KBTBD12: variants seen among roughly 807,000 people sequenced by gnomAD.
The protein encoded by KBTBD12 is kelch repeat and BTB domain-containing protein 12.
A neutral mutation model predicts 58.7 loss-of-function variants in KBTBD12; 53 were observed. The observed-to-expected ratio is 0.90, with a 90% CI of 0.72 to 1.14. The LOEUF is 1.14. Ranked by LOEUF, KBTBD12 falls within the 50% of genes most tolerant of loss-of-function variation. KBTBD12 has a pLI of 0.00. For synonymous variants in KBTBD12, 236 were observed against 259.8 expected, an observed-to-expected ratio of 0.91 and a Z score of 0.88; for missense variants, 704 against 751.3, an observed-to-expected ratio of 0.94 and a Z score of 0.74.
At chr3:127,964,857 T>C (rs945851246) in intron 5 of KBTBD12, among the ~76,000 whole-genome samples, 6 of 152,222 alleles carry the variant, frequency 3.9e-5, no homozygotes, top group South Asian at 2.1e-4. Flanking sequence ...TTTTAATCTC[T>C]TTTACATTAA....
chr3:127,960,770 C>A (rs779030417), intron 4 of KBTBD12, among the ~76,000 whole-genome samples: 9 of 152,206 alleles, frequency 5.9e-5, no homozygotes, highest in Admixed American at 3.3e-4. Flanking sequence ...AAGCTCATGT[C>A]ACTCCTTGAG....
intron 3 of KBTBD12, 115 bp downstream of exon 3, chr3:127,928,149 T>C: frequency 1.1e-6 from 1 of 884,516 alleles, no homozygotes; most frequent in Non-Finnish European, 1.8e-6. Context: ...TTTGGTAAAA[T>C]GCTTTCTGTT....
At chr3:127,922,175 A>C (rs1257267199) in intron 1 of KBTBD12, among the ~76,000 whole-genome samples, 1 of 152,130 alleles carries the variant, frequency 6.6e-6, no homozygotes, top group East Asian at 1.9e-4. Flanking sequence ...AAAAATTTAG[A>C]CTAATGCTTT....
chr3:127,950,252 A>G (rs1940175396), intron 4 of KBTBD12, among the ~76,000 whole-genome samples: 1 of 152,234 alleles, frequency 6.6e-6, no homozygotes, highest in Non-Finnish European at 1.5e-5. Flanking sequence ...AAGATATAGC[A>G]TAGAAATTCA....
At chr3:127,922,087 C>T (rs80305131) in intron 1 of KBTBD12, among the ~76,000 whole-genome samples, 76 of 152,122 alleles carry the variant, frequency 5.0e-4, no homozygotes, top group African/African-American at 1.7e-3. Flanking sequence ...TTAAAACAAA[C>T]GCTAATTTAA....
At position 127,984,392 on chromosome 3, in the gene KBTBD12, G is replaced by T; in HGVS notation, c.*114G>T. ...GTGCACTGCATGCGTAGTGGCCTGT[G>T]TGTGAAGAAGCAGTGTGTGCTGGGC... is the stretch of plus-strand genomic sequence containing the variant. On this transcript the variant is annotated 3_prime_UTR_variant, in exon 6 of 6. Coordinates refer to ENST00000405109, the MANE Select transcript of KBTBD12 (RefSeq NM_207335.4). 1 of 990,052 alleles carries T rather than the reference G, an allele frequency of 1.0e-6. No individual in the cohort carries two copies. The highest frequency in any genetic ancestry group is 1.6e-5 in the South Asian group (1 of 60,924). The allele number at this position is 990,052 out of a possible 1,614,324, so 61.3% of individuals were successfully genotyped here. A position where few individuals can be genotyped will look rare whatever the true frequency, so the allele number is the denominator to read the frequency against.
chr3:127,939,615 A>G (rs1939907582), intron 4 of KBTBD12, among the ~76,000 whole-genome samples: 1 of 152,198 alleles, frequency 6.6e-6, no homozygotes, highest in Non-Finnish European at 1.5e-5. Context: ...AAAGAGATAT[A>G]GTAAAAATCA....
chr3:127,976,568 C>T (rs1940786752), intron 5 of KBTBD12, among the ~76,000 whole-genome samples: 2 of 152,340 alleles, frequency 1.3e-5, no homozygotes, highest in South Asian at 4.1e-4. Context: ...AACTGTGTCT[C>T]TCTGCCCCTT....
At chr3:127,916,163 C>A (rs1262200966) in intron 1 of KBTBD12, among the ~76,000 whole-genome samples, 2 of 152,042 alleles carry the variant, frequency 1.3e-5, no homozygotes, top group African/African-American at 4.8e-5. Flanking sequence ...GTGAACTCGG[C>A]AAAGAAAAGA....
Position 127,963,351 on chromosome 3 carries a change from G to C in KBTBD12, c.1655G>C (p.Gly552Ala). The change falls in exon 5 of 6, where the codon GGG (glycine) becomes GCG (alanine). Residue 552 changes from glycine to alanine, a missense_variant. Transcript: ENST00000405109. ...TCCACCAATGCAGGGGCAGTGGATG[G>C]GAAACTCTATGTCTGCGGGGGATTC... ...TNSTNAGAVD[G>A]KLYVCGGFHG... 1 of 1,612,092 alleles carries C rather than the reference G, an allele frequency of 6.2e-7. No homozygotes were observed. The highest frequency in any genetic ancestry group is 8.5e-7 in the Non-Finnish European group (1 of 1,179,196).
chr3:127,927,174 T>A (rs1239264848), intron 2 of KBTBD12, among the ~76,000 whole-genome samples: 1 of 152,140 alleles, frequency 6.6e-6, no homozygotes, highest in Non-Finnish European at 1.5e-5. Flanking sequence ...TTAAAATAGA[T>A]GTTAAGTGCC....
intron 5 of KBTBD12, among the ~76,000 whole-genome samples, chr3:127,982,112 T>C (rs1940884464): frequency 6.6e-6 from 1 of 152,190 alleles, no homozygotes; most frequent in African/African-American, 2.4e-5. Flanking sequence ...CATTAAAGGT[T>C]CCTTTCCTCT....
intron 4 of KBTBD12, among the ~76,000 whole-genome samples, chr3:127,936,544 G>A (rs555484424): frequency 2.7e-4 from 41 of 152,270 alleles, no homozygotes; most frequent in African/African-American, 9.4e-4. Flanking sequence ...CGGCTGCATA[G>A]TTTTGTAAAT....
intron 4 of KBTBD12, among the ~76,000 whole-genome samples, chr3:127,951,392 A>G (rs1940200072): frequency 6.6e-6 from 1 of 152,036 alleles, no homozygotes; most frequent in Non-Finnish European, 1.5e-5. Context: ...TGTTCCTCAG[A>G]AGTGTGGATT....
At position 127,985,631 on chromosome 3, in the gene KBTBD12, C is replaced by T. The variant is rs754755024; in HGVS notation, c.*1353C>T. ...CCTGTGCCCCTAGGTTCCAGCTGCCCACCAGGCAGGACAGGCAGGTCTTGC... is the reference window on the plus strand; with the variant it reads ...CCTGTGCCCCTAGGTTCCAGCTGCCTACCAGGCAGGACAGGCAGGTCTTGC... On this transcript the variant is annotated 3_prime_UTR_variant, in exon 6 of 6. Transcript: ENST00000405109. 4 of 152,332 alleles carry T rather than the reference C, an allele frequency of 2.6e-5. No homozygotes were observed. Among genetic ancestry groups the T allele is most frequent in the Non-Finnish European group, 4.4e-5 (3 of 68,176 alleles). 9.4% of individuals were successfully genotyped at this position (152,332 alleles called of 1,614,324 possible).
intron 4 of KBTBD12, among the ~76,000 whole-genome samples, chr3:127,943,671 A>G (rs1423964976): frequency 6.7e-6 from 1 of 148,966 alleles, no homozygotes; most frequent in African/African-American, 2.5e-5. Context: ...TTTCTTTTCT[A>G]TACAGAAGCT....
chr3:127,983,688 G>T (rs936471611), intron 5 of KBTBD12, among the ~76,000 whole-genome samples: 3 of 152,120 alleles, frequency 2.0e-5, no homozygotes, highest in African/African-American at 7.2e-5. Context: ...GGGAGGCGGA[G>T]GTTGCAGTGA....
At chr3:127,943,744 A>G (rs1940010371) in intron 4 of KBTBD12, among the ~76,000 whole-genome samples, 1 of 151,774 alleles carries the variant, frequency 6.6e-6, no homozygotes, top group Non-Finnish European at 1.5e-5. Context: ...TTTTGGTGTC[A>G]TATTCAAAAA....
chr3:127,959,878 G>A (rs1940395892), intron 4 of KBTBD12, among the ~76,000 whole-genome samples: 1 of 152,224 alleles, frequency 6.6e-6, no homozygotes, highest in Non-Finnish European at 1.5e-5. Context: ...GGTGACACAG[G>A]GTAGGGACCA....
Sources: allele counts gnomAD v4.1 joint callset (sites outside exome capture counted in the v4.1 genomes callset), GRCh38; gene constraint gnomAD v4.1.1; transcripts MANE v1.5; gene names NCBI Gene and HGNC (gene_info 2026-07-23, HGNC 2026-07-21).